ANKRD23: variants seen among roughly 807,000 people sequenced by gnomAD.
The protein encoded by ANKRD23 is ankyrin repeat domain-containing protein 23.
In ANKRD23, 52 loss-of-function variants were observed where a neutral mutation model predicts 38.1. The observed-to-expected ratio is 1.36, with a 90% confidence interval of 1.09 to 1.72. The LOEUF is 1.72. Ranked by LOEUF, ANKRD23 falls within the 40% of genes most tolerant of loss-of-function variation. ANKRD23 has a pLI of 0.00. For missense variants in ANKRD23, 416 were observed against 400.2 expected (o/e 1.04, Z -0.34); for synonymous variants, 167 against 162.9 (o/e 1.03, Z -0.19).
Position 96,838,246 on chromosome 2 carries a change from C to T in ANKRD23, c.*1303G>A. On this transcript the variant is annotated 3_prime_UTR_variant, in exon 9 of 9. Coordinates refer to ENST00000318357, the MANE Select transcript of ANKRD23 (RefSeq NM_144994.8). The stretch of plus-strand genomic sequence containing the variant: ...AATCAGCCCGGTACCTAATGTAACC[C>T]AGGACCCATGTGAGGGAGGCTGAGC... The T allele has an allele frequency of 1.4e-6, 1 of 694,794 alleles. No homozygotes were observed. The highest frequency in any genetic ancestry group is 1.3e-4 in the East Asian group (1 of 7,430). 43.0% of individuals were successfully genotyped at this position (694,794 alleles called of 1,614,324 possible).
chr2:96,843,883 A>C, intron 1 of ANKRD23, 83 bp downstream of exon 1: 1 of 1,403,618 alleles, frequency 7.1e-7, no homozygotes, highest in Non-Finnish European at 9.8e-7. Context: ...ACACCACAGA[A>C]AGAAGCTGCC....
Position 96,842,065 on chromosome 2 carries a change from C to G in ANKRD23, c.295G>C (p.Val99Leu), listed in dbSNP as rs764056715. Residue 99 changes from valine (V) to leucine (L), a missense_variant, in exon 3 of 9, where the codon GTT (valine) becomes CTT (leucine). Transcript: ENST00000318357. ...RVPPRKPEPL[V>L]KPQSQAQVEP... ...AACCCCGACCTCCCACTCACCTTAA[C>G]CAGGGGCTCAGGTTTCCTGGGGGGG... The G allele has an allele frequency of 3.1e-6, 5 of 1,613,930 alleles. No homozygotes were observed. In the African/African-American group the frequency reaches 4.0e-5, roughly 13 times the overall value.
chr2:96,841,997 A>T, intron 3 of ANKRD23, 63 bp downstream of exon 3: 1 of 1,609,834 alleles, frequency 6.2e-7, no homozygotes, highest in Non-Finnish European at 8.5e-7. Context: ...CTCTGCCCCA[A>T]GCCCTTCCTC....
chr2:96,839,928 G>A (rs2079739512), intron 7 of ANKRD23, 69 bp downstream of exon 7: 1 of 1,549,262 alleles, frequency 6.5e-7, no homozygotes, highest in Non-Finnish European at 8.7e-7. Flanking sequence ...CTCTGGTCCT[G>A]GCTGGGGCTC....
intron 3 of ANKRD23, 35 bp downstream of exon 3, chr2:96,842,025 T>TG (rs763223465): frequency 6.2e-7 from 1 of 1,612,612 alleles, no homozygotes; most frequent in Non-Finnish European, 8.5e-7. Flanking sequence ...GGAGCCCTGG[T>TG]GTGTGCACTG....
Position 96,842,399 on chromosome 2 carries a change from T to C in ANKRD23, c.140A>G (p.Glu47Gly). Residue 47 changes from glutamate (E) to glycine (G), a missense_variant, in exon 2 of 9, where the codon GAG becomes GGG. Transcript: ENST00000318357. ...CTTCTCTTCTTCCAATTTCAGCTTC[T>C]CCCGGGCCACAGCCTCTTGGGGGCC... ...RRGPQEAVAR[E>G]KLKLEEEKKK... The C allele has an allele frequency of 1.2e-6, 2 of 1,608,746 alleles. No individual in the cohort carries two copies. The highest frequency in any genetic ancestry group is 2.2e-5 in the South Asian group (2 of 90,966).
At chr2:96,841,911 A>G in intron 3 of ANKRD23, 149 bp downstream of exon 3, 2 of 1,127,766 alleles carry the variant, frequency 1.8e-6, no homozygotes, top group Admixed American at 2.6e-5. Context: ...CCTGGCGGAC[A>G]CATCCGCGGG....
chr2:96,839,955 C>T, intron 7 of ANKRD23, 42 bp downstream of exon 7: 2 of 1,550,876 alleles, frequency 1.3e-6, no homozygotes, highest in South Asian at 2.4e-5. Flanking sequence ...CCCTGCTCCT[C>T]TGGAGCTGTC....
Position 96,839,498 on chromosome 2 carries a change from C to T in ANKRD23, c.*51G>A. 1 of 1,405,216 alleles carries T rather than the reference C, an allele frequency of 7.1e-7. No homozygotes were observed. The highest frequency in any genetic ancestry group is 9.2e-7 in the Non-Finnish European group (1 of 1,085,522). The allele number at this position is 1,405,216 out of a possible 1,614,324, so 87.0% of individuals were successfully genotyped here. ...GAGGTGCAGACGCGGGGGCGGGGCA[C>T]AGGATGGAATGGTGGCAGTGCGAAA... On this transcript the variant is annotated 3_prime_UTR_variant, in exon 9 of 9. Transcript: ENST00000318357.
At chr2:96,840,753 G>C in intron 4 of ANKRD23, 34 bp downstream of exon 4, 1 of 1,613,018 alleles carries the variant, frequency 6.2e-7, no homozygotes, top group Non-Finnish European at 8.5e-7. Context: ...TGCAGCTGCA[G>C]CTGCTGCCAG....
chr2:96,841,728 G>C (rs2079763997), intron 3 of ANKRD23, among the ~76,000 whole-genome samples: 1 of 151,440 alleles, frequency 6.6e-6, no homozygotes. Context: ...GAACGCCAAA[G>C]ATCACCAGCA....
In ANKRD23 at chr2:96,840,115, A is replaced by C; in HGVS notation, c.625-20T>G. On this transcript the variant is annotated intron_variant, in intron 6 of 8. Transcript: ENST00000318357. ...CCCGATCTGAGAGCAAGTGGGGGTC[A>C]GTGCTGGGTCTGGATTGGTGAGGCC... 6.4e-7 allele frequency: 1 copy of C among 1,550,838 alleles called. No homozygotes were observed. Among genetic ancestry groups the C allele is most frequent in the Non-Finnish European group, 8.7e-7 (1 of 1,146,774 alleles).
At position 96,838,951 on chromosome 2, in the gene ANKRD23, A is replaced by G; in HGVS notation, c.*598T>C. On this transcript the variant is annotated 3_prime_UTR_variant, in exon 9 of 9. Transcript: ENST00000318357. ...AGTTCCTATGACCAAAGTTGTCTAGAGCCGCTCCGGACACTGCCAGGGTTG... is the reference window on the plus strand; with the variant it reads ...AGTTCCTATGACCAAAGTTGTCTAGGGCCGCTCCGGACACTGCCAGGGTTG... The G allele has an allele frequency of 1.0e-6, 1 of 985,602 alleles. No homozygotes were observed. Among genetic ancestry groups the G allele is most frequent in the Non-Finnish European group, 1.2e-6 (1 of 830,100 alleles). The allele number at this position is 985,602 out of a possible 1,614,324, so 61.1% of individuals were successfully genotyped here.
At position 96,843,279 on chromosome 2, in the gene ANKRD23, C is replaced by T. The variant is rs79564554; in HGVS notation, c.27+687G>A. Among the ~76,000 whole-genome samples the T allele has an allele frequency of 6.7e-3, 1,013 of 152,256 alleles. 10 individuals carry two copies. The highest frequency in any genetic ancestry group is 0.023 in the African/African-American group (935 of 41,534). ...TAACACCTCCCTGCCATTTGCCTCC[C>T]GCCAGAGGCTGCACCAGGCTGGGGC... On this transcript the variant is annotated intron_variant, in intron 1 of 8. Coordinates refer to ENST00000318357, the MANE Select transcript of ANKRD23 (RefSeq NM_144994.8).
In ANKRD23 at chr2:96,839,970, C is replaced by G. The variant is rs777005863; in HGVS notation, c.723+27G>C. ...CCCTGCTCCTCTGGAGCTGTCCGAG[C>G]CGGAAAAGACCAAGCGCCTGCCTTA... is the stretch of plus-strand genomic sequence containing the variant. On this transcript the variant is annotated intron_variant, in intron 7 of 8. Coordinates refer to ENST00000318357, the MANE Select transcript of ANKRD23 (RefSeq NM_144994.8). 1.7e-5 allele frequency: 26 copies of G among 1,551,654 alleles called. No homozygotes were observed. The East Asian group carries it at 6.3e-4, about 38-fold the overall frequency.
chr2:96,844,012 AC>A lies in ANKRD23; in HGVS notation c.-21del, dbSNP rs552391099. ...GTCCATGGTCCCCCCTGTTCCTCAC[AC>A]CCCCCAGTGAGAAGAGCTGAACTGC... is the stretch of plus-strand genomic sequence containing the variant. On this transcript the variant is annotated 5_prime_UTR_variant, in exon 1 of 9. Coordinates refer to ENST00000318357, the MANE Select transcript of ANKRD23 (RefSeq NM_144994.8). 10 of 1,588,810 alleles carry A rather than the reference AC, an allele frequency of 6.3e-6. No homozygotes were observed. Among genetic ancestry groups the A allele is most frequent in the Middle Eastern group, 1.7e-4 (1 of 6,004 alleles).
Position 96,839,742 on chromosome 2 carries a change from C to T in ANKRD23, c.807G>A (p.Leu269=), listed in dbSNP as rs761290975. ...CCACACTCACCGCGTTCCGCACCCC[C>T]AGCTCGGCCCCATAGAGCAGCAGTA... ...MKLLLLYGAE[L]GVRNAASVTP... Residue 269 remains leucine (L), a synonymous_variant, in exon 8 of 9, where the codon CTG becomes CTA. Transcript: ENST00000318357. 6.2e-7 allele frequency: 1 copy of T among 1,613,260 alleles called. No homozygotes were observed. The highest frequency in any genetic ancestry group is 8.5e-7 in the Non-Finnish European group (1 of 1,179,908).
At position 96,838,780 on chromosome 2, in the gene ANKRD23, A is replaced by C. The variant is rs1347361948; in HGVS notation, c.*769T>G. 1.0e-6 allele frequency: 1 copy of C among 985,586 alleles called. No individual in the cohort carries two copies. Among genetic ancestry groups the C allele is most frequent in the East Asian group, 1.1e-4 (1 of 8,822 alleles). 61.1% of individuals were successfully genotyped at this position (985,586 alleles called of 1,614,324 possible). A position where few individuals can be genotyped will look rare whatever the true frequency, so the allele number is the denominator to read the frequency against. On this transcript the variant is annotated 3_prime_UTR_variant, in exon 9 of 9. Transcript: ENST00000318357. ...GCCGGCCTGAGCGGGGCCAGTACAC[A>C]GTGGGTGCGAGGCTTCTCTCAAATG...
chr2:96,841,590 C>T (rs1425983604), intron 3 of ANKRD23, among the ~76,000 whole-genome samples: 2 of 127,750 alleles, frequency 1.6e-5, no homozygotes, highest in Non-Finnish European at 3.1e-5. Context: ...CAGAGCGAGA[C>T]TCCGTCTCAA....
Sources: allele counts gnomAD v4.1 joint callset (sites outside exome capture counted in the v4.1 genomes callset), GRCh38; gene constraint gnomAD v4.1.1; transcripts MANE v1.5; gene names NCBI Gene and HGNC (gene_info 2026-07-23, HGNC 2026-07-21).